MSRA: variants seen among roughly 807,000 people sequenced by gnomAD.
MSRA encodes methionine sulfoxide reductase A.
In MSRA, 54 loss-of-function variants were observed where a neutral mutation model predicts 31.3. The ratio of observed to expected loss-of-function variants is 1.73; its 90% CI spans 1.39 to 2.17. MSRA has a LOEUF of 2.17. Among genes scored for constraint, MSRA ranks in the 30% most tolerant of loss-of-function variants. MSRA has a pLI of 0.00. For synonymous variants in MSRA, 169 were observed against 116.5 expected (o/e 1.45, Z -2.90); for missense variants, 507 against 300.9 (o/e 1.69, Z -5.07).
At chr8:10,117,739 A>G (rs1800789397) in intron 1 of MSRA, among the ~76,000 whole-genome samples, 1 of 152,242 alleles carries the variant, frequency 6.6e-6, no homozygotes, top group Non-Finnish European at 1.5e-5. Flanking sequence ...ACTTGCTAGT[A>G]TTAAAATATT....
At position 10,196,205 on chromosome 8, in the gene MSRA, T is replaced by G. The variant is rs111870248; in HGVS notation, c.143-11628T>G. ...CTGACATGTTCACAAGGAAGAGAGA[T>G]GTGCTGTATACTGTGGAGCTTCTCT... On this transcript the variant is annotated intron_variant, in intron 1 of 5. Transcript: ENST00000317173. Among the ~76,000 whole-genome samples, 1,074 of 152,320 alleles carry G rather than the reference T, an allele frequency of 7.1e-3. 21 individuals carry two copies. Among genetic ancestry groups the G allele is most frequent in the African/African-American group, 0.024 (1,004 of 41,570 alleles).
At chr8:10,081,583 G>A (rs1279164419) in intron 1 of MSRA, among the ~76,000 whole-genome samples, 1 of 152,092 alleles carries the variant, frequency 6.6e-6, no homozygotes, top group African/African-American at 2.4e-5. Context: ...TCCGCCTCCC[G>A]GGTTGAAGCA....
At chr8:10,213,431 TC>T (rs374885967) in intron 2 of MSRA, among the ~76,000 whole-genome samples, 2 of 138,328 alleles carry the variant, frequency 1.4e-5, no homozygotes, top group Admixed American at 7.5e-5. Flanking sequence ...TACCACACTT[TC>T]TTTTTTTTTT....
intron 2 of MSRA, among the ~76,000 whole-genome samples, chr8:10,233,577 G>C (rs972356005): frequency 6.6e-6 from 1 of 152,188 alleles, no homozygotes; most frequent in Non-Finnish European, 1.5e-5. Context: ...CTCTTAGATT[G>C]AACCCAGTTG....
chr8:10,293,462 A>C (rs1189814969), intron 3 of MSRA, among the ~76,000 whole-genome samples: 1 of 152,104 alleles, frequency 6.6e-6, no homozygotes, highest in Non-Finnish European at 1.5e-5. Flanking sequence ...GTGACTGCTT[A>C]GCGCCCACCA....
chr8:10,396,110 C>T (rs1162246666), intron 5 of MSRA, among the ~76,000 whole-genome samples: 1 of 152,178 alleles, frequency 6.6e-6, no homozygotes, highest in Admixed American at 6.5e-5. Flanking sequence ...TGATCCCCCT[C>T]CTTCTTTGCC....
intron 3 of MSRA, among the ~76,000 whole-genome samples, chr8:10,252,991 C>G (rs1797995858): frequency 6.6e-6 from 1 of 152,178 alleles, no homozygotes; most frequent in African/African-American, 2.4e-5. Flanking sequence ...AAAGTTGAAA[C>G]CAAAGAGACG....
At chr8:10,416,893 G>T (rs1163722587) in intron 5 of MSRA, among the ~76,000 whole-genome samples, 2 of 152,206 alleles carry the variant, frequency 1.3e-5, no homozygotes, top group Admixed American at 6.6e-5. Flanking sequence ...ACACAACTCA[G>T]CTTGTAGCTC....
chr8:10,334,206 G>A (rs1802884516), intron 5 of MSRA, among the ~76,000 whole-genome samples: 1 of 145,952 alleles, frequency 6.9e-6, no homozygotes, highest in Non-Finnish European at 1.6e-5. Flanking sequence ...GTGTGTGTGT[G>A]TGTGTGTGTC....
Position 10,421,760 on chromosome 8 carries a change from G to C in MSRA, c.544-6388G>C, listed in dbSNP as rs1201123519. On this transcript the variant is annotated intron_variant, in intron 5 of 5. Transcript: ENST00000317173. ...GTGTTCCTATGAGTCGCTGGAGCTG[G>C]AGACCGAGCTGAGGTGGATGAGGCC... is the stretch of plus-strand genomic sequence containing the variant. Among the ~76,000 whole-genome samples the C allele has an allele frequency of 2.0e-5, 3 of 152,270 alleles. No individual in the cohort carries two copies. The East Asian group carries it at 5.8e-4, about 29-fold the overall frequency.
intron 5 of MSRA, among the ~76,000 whole-genome samples, chr8:10,335,110 G>A (rs372682874): frequency 1.3e-5 from 2 of 152,186 alleles, no homozygotes; most frequent in East Asian, 1.9e-4. Flanking sequence ...CGCACCGTGC[G>A]CCCCACCCAG....
intron 5 of MSRA, among the ~76,000 whole-genome samples, chr8:10,381,968 C>T (rs759989523): frequency 3.9e-5 from 6 of 152,134 alleles, no homozygotes; most frequent in African/African-American, 9.7e-5. Flanking sequence ...ATGAGTAGTA[C>T]GTATTGGAAG....
chr8:10,416,362 G>A (rs1808459000), intron 5 of MSRA, among the ~76,000 whole-genome samples: 1 of 152,188 alleles, frequency 6.6e-6, no homozygotes, highest in Middle Eastern at 3.2e-3. Context: ...CCAACCCTTC[G>A]GTATCACACC....
intron 1 of MSRA, among the ~76,000 whole-genome samples, chr8:10,055,578 C>A (rs1486178611): frequency 2.0e-5 from 3 of 152,230 alleles, no homozygotes; most frequent in Non-Finnish European, 2.9e-5. Flanking sequence ...CCAACAATCT[C>A]TAAAACAAGT....
chr8:10,170,894 C>A (rs916666256), intron 1 of MSRA, among the ~76,000 whole-genome samples: 1 of 152,222 alleles, frequency 6.6e-6, no homozygotes, highest in Non-Finnish European at 1.5e-5. Flanking sequence ...CTGATTTCTT[C>A]CTTTGCTATC....
At chr8:10,273,538 C>T (rs973396076) in intron 3 of MSRA, among the ~76,000 whole-genome samples, 2 of 152,068 alleles carry the variant, frequency 1.3e-5, no homozygotes, top group Non-Finnish European at 2.9e-5. Context: ...TAATAAGAGT[C>T]ATGTAAGTTT....
intron 5 of MSRA, among the ~76,000 whole-genome samples, chr8:10,329,875 T>G (rs1286212371): frequency 6.6e-6 from 1 of 151,930 alleles, no homozygotes; most frequent in Non-Finnish European, 1.5e-5. Flanking sequence ...TTATCCCCTT[T>G]CATACATCTC....
intron 5 of MSRA, among the ~76,000 whole-genome samples, chr8:10,404,323 A>G (rs1013178097): frequency 3.3e-5 from 5 of 152,122 alleles, no homozygotes; most frequent in Non-Finnish European, 7.4e-5. Context: ...TGACAACACT[A>G]GATGCCTTTC....
At chr8:10,119,294 C>T (rs551304733) in intron 1 of MSRA, among the ~76,000 whole-genome samples, 106 of 152,294 alleles carry the variant, frequency 7.0e-4, no homozygotes, top group African/African-American at 2.4e-3. Flanking sequence ...GGGTCTTTGT[C>T]CGACAGAAGA....
Sources: allele counts gnomAD v4.1 joint callset (sites outside exome capture counted in the v4.1 genomes callset), GRCh38; gene constraint gnomAD v4.1.1; transcripts MANE v1.5; gene names NCBI Gene and HGNC (gene_info 2026-07-23, HGNC 2026-07-21).